SPTAN1: variants seen among roughly 807,000 people sequenced by gnomAD.
SPTAN1 encodes spectrin alpha, non-erythrocytic 1.
Under a neutral mutation model 331.3 loss-of-function variants are expected in SPTAN1, and 61 were observed. The observed-to-expected ratio is 0.18, with a 90% CI of 0.15 to 0.23. The LOEUF is 0.23. SPTAN1 is among the 10% of genes least tolerant of loss of function. The pLI is 1.00. For synonymous variants in SPTAN1, 1,153 were observed against 1,173.9 expected, an observed-to-expected ratio of 0.98 and a Z score of 0.36; for missense variants, 2,043 against 3,147.9, an observed-to-expected ratio of 0.65 and a Z score of 8.40.
chr9:128,604,430 C>G lies in SPTAN1; in HGVS notation c.3719+13C>G, dbSNP rs558756418. 1 of 1,610,110 alleles carries G rather than the reference C, an allele frequency of 6.2e-7. No individual in the cohort carries two copies. Among genetic ancestry groups the G allele is most frequent in the Non-Finnish European group, 8.5e-7 (1 of 1,178,202 alleles). On this transcript the variant is annotated intron_variant, in intron 29 of 56. Transcript: ENST00000372739. ...AGAGGTTCCACAGGTGAGGGGTCAGCCCTGGGCTGGGAGAGGGAGAAACAG... is the reference window on the plus strand; with the variant it reads ...AGAGGTTCCACAGGTGAGGGGTCAGGCCTGGGCTGGGAGAGGGAGAAACAG...
chr9:128,611,151 A>T (rs1451352764), intron 37 of SPTAN1, among the ~76,000 whole-genome samples: 3 of 152,196 alleles, frequency 2.0e-5, no homozygotes, highest in Non-Finnish European at 4.4e-5. Context: ...CTTCACTCCC[A>T]AATAGCTAGC....
intron 52 of SPTAN1, 107 bp downstream of exon 52, chr9:128,630,482 T>C: frequency 2.7e-6 from 3 of 1,115,452 alleles, no homozygotes; most frequent in Non-Finnish European, 4.1e-6. Context: ...GTGCTATTAT[T>C]GTACCCTTTT....
In SPTAN1 at chr9:128,584,798, C is replaced by T. The variant is rs999623213; in HGVS notation, c.2515C>T (p.Arg839Cys). 9 of 1,614,128 alleles carry T rather than the reference C, an allele frequency of 5.6e-6. No individual in the cohort carries two copies. Among genetic ancestry groups the T allele is most frequent in the Non-Finnish European group, 6.8e-6 (8 of 1,180,030 alleles). Residue 839 changes from arginine (R) to cysteine (C), a missense_variant, in exon 18 of 57, where the codon CGC becomes TGC. Physicochemically the swap from Arg to Cys is radical, Grantham distance 180. Around this residue, in one of 12 missense-constraint regions of SPTAN1, gnomAD observed 1,038 missense variants for 1,531.5 expected, o/e 0.68. Coordinates refer to ENST00000372739, the MANE Select transcript of SPTAN1 (RefSeq NM_001130438.3). The stretch of plus-strand genomic sequence containing the variant: ...AGCAGAAATTGCTGGACATGAACCA[C>T]GCATCAAAGCAGTTACACAGAAGGG... ...LQAEIAGHEP[R>C]IKAVTQKGNA... is the part of the protein sequence containing the mutation.
At chr9:128,571,009 A>T (rs1003510405) in intron 3 of SPTAN1, among the ~76,000 whole-genome samples, 2 of 152,084 alleles carry the variant, frequency 1.3e-5, no homozygotes, top group African/African-American at 4.8e-5. Context: ...CTGGCCGGGC[A>T]TGGGGCTCAC....
intron 27 of SPTAN1, among the ~76,000 whole-genome samples, chr9:128,602,273 G>C (rs1407210114): frequency 6.7e-6 from 1 of 149,588 alleles, no homozygotes. Flanking sequence ...CTGGAGTGCA[G>C]TAACGTGATC....
chr9:128,630,558 ATC>A (rs1564326192), intron 52 of SPTAN1, 183 bp downstream of exon 52: 7 of 607,416 alleles, frequency 1.2e-5, no homozygotes, highest in African/African-American at 5.6e-5. Context: ...TCTTCATGGA[ATC>A]TCTCTCTCGC....
chr9:128,576,720 G>A, intron 5 of SPTAN1, 103 bp from the exon 6 acceptor site: 1 of 1,438,044 alleles, frequency 7.0e-7, no homozygotes, highest in Non-Finnish European at 9.6e-7. Context: ...ATTCTCTTCA[G>A]AGTGGTGATT....
chr9:128,632,136 C>A lies in SPTAN1; in HGVS notation c.6772C>A (p.Gln2258Lys). The A allele has an allele frequency of 6.2e-7, 1 of 1,613,188 alleles. No homozygotes were observed. The highest frequency in any genetic ancestry group is 8.5e-7 in the Non-Finnish European group (1 of 1,180,006). Reference protein sequence around the residue: ...SQLEATKRKHQEIRAMRSQLK... With the variant: ...SQLEATKRKHKEIRAMRSQLK... ...CTCCCCACCCCTGCAGCGCAAGCAC[C>A]AGGAAATCCGAGCCATGAGAAGTCA... Residue 2258 changes from glutamine to lysine, a missense_variant, in exon 53 of 57, where the codon CAG becomes AAG. Gln to Lys is a moderately conservative substitution (Grantham distance 53, BLOSUM62 1). Around this residue, in one of 12 missense-constraint regions of SPTAN1, gnomAD observed 256 missense variants for 376.4 expected, o/e 0.68. Coordinates refer to ENST00000372739, the MANE Select transcript of SPTAN1 (RefSeq NM_001130438.3).
At chr9:128,585,673 G>C in intron 18 of SPTAN1, 75 bp from the exon 19 acceptor site, 1 of 1,282,786 alleles carries the variant, frequency 7.8e-7, no homozygotes, top group Non-Finnish European at 1.1e-6. Context: ...TGAACACACA[G>C]AGAAAACTTA....
chr9:128,583,149 C>G lies in SPTAN1; in HGVS notation c.1879C>G (p.Arg627Gly). Residue 627 changes from arginine (R) to glycine (G), a missense_variant, in exon 15 of 57, where the codon CGA (arginine) becomes GGA (glycine). Around this residue, in one of 12 missense-constraint regions of SPTAN1, gnomAD observed 1,038 missense variants for 1,531.5 expected, o/e 0.68. Coordinates refer to ENST00000372739, the MANE Select transcript of SPTAN1 (RefSeq NM_001130438.3). ...GGCTGAGCTCTCAGCAAACCAGAGCCGAATTGATGCCTTGGAGAAAGCTGG... is the reference window on the plus strand; with the variant it reads ...GGCTGAGCTCTCAGCAAACCAGAGCGGAATTGATGCCTTGGAGAAAGCTGG... Reference protein sequence around the residue: ...FEAELSANQSRIDALEKAGQK... With the variant: ...FEAELSANQSGIDALEKAGQK... 6.2e-7 allele frequency: 1 copy of G among 1,614,056 alleles called. No individual in the cohort carries two copies. Among genetic ancestry groups the G allele is most frequent in the East Asian group, 2.2e-5 (1 of 44,874 alleles).
At chr9:128,581,083 C>T in intron 11 of SPTAN1, 24 bp downstream of exon 11, 1 of 1,613,500 alleles carries the variant, frequency 6.2e-7, no homozygotes, top group Non-Finnish European at 8.5e-7. Context: ...AAAGCCTTGC[C>T]AGTGGTGGGA....
rs144848474 is a variant in SPTAN1, at chr9:128,606,766, G to A, written c.4047-838G>A. On this transcript the variant is annotated intron_variant, in intron 31 of 56. Transcript: ENST00000372739. ...CTCCCAAAGTGCTGGGATTACAGGC[G>A]TGAGCCACTGCGCCTGGTTGTCTTT... Among the ~76,000 whole-genome samples the A allele has an allele frequency of 3.0e-4, 46 of 152,004 alleles. No individual in the cohort carries two copies. In the East Asian group the frequency reaches 6.6e-3, roughly 22 times the overall value.
intron 46 of SPTAN1, chr9:128,624,744 T>C: frequency 1.8e-6 from 1 of 570,140 alleles, no homozygotes; most frequent in Non-Finnish European, 3.1e-6. Flanking sequence ...GATGGCATAA[T>C]GTGACGTCAT....
chr9:128,563,301 A>C (rs942670095), intron 1 of SPTAN1, among the ~76,000 whole-genome samples: 2 of 151,954 alleles, frequency 1.3e-5, no homozygotes, highest in Non-Finnish European at 2.9e-5. Flanking sequence ...CTGTACTCCT[A>C]GCTACTCAGG....
intron 41 of SPTAN1, among the ~76,000 whole-genome samples, chr9:128,616,825 A>C (rs1271698895): frequency 1.3e-5 from 2 of 151,876 alleles, no homozygotes; most frequent in East Asian, 3.9e-4. Context: ...CCAGCTACTC[A>C]GGAGGCTGAG....
intron 52 of SPTAN1, 23 bp from the exon 53 acceptor site, chr9:128,632,104 A>C (rs1859845993): frequency 5.0e-6 from 8 of 1,611,634 alleles, no homozygotes; most frequent in Non-Finnish European, 6.8e-6. Context: ...CCGTCTGAGC[A>C]TCTGTGCTCC....
At chr9:128,591,122 C>T (rs1287658942) in intron 21 of SPTAN1, among the ~76,000 whole-genome samples, 2 of 151,702 alleles carry the variant, frequency 1.3e-5, no homozygotes, top group Non-Finnish European at 2.9e-5. Flanking sequence ...AGTGCAGTGG[C>T]GCAATCTCAG....
At chr9:128,561,737 A>G (rs1042583413) in intron 1 of SPTAN1, among the ~76,000 whole-genome samples, 8 of 148,960 alleles carry the variant, frequency 5.4e-5, no homozygotes, top group Non-Finnish European at 7.4e-5. Flanking sequence ...CACTGTGTCT[A>G]TTGTGCCATA....
chr9:128,623,622 ATTTTTTT>A (rs777632874), intron 45 of SPTAN1, among the ~76,000 whole-genome samples: 17 of 117,108 alleles, frequency 1.5e-4, no homozygotes, highest in South Asian at 1.3e-3. Context: ...AACCTGGCTA[ATTTTTTT>A]TTTTTTTTTT....
Sources: allele counts gnomAD v4.1 joint callset (sites outside exome capture counted in the v4.1 genomes callset), GRCh38; gene constraint gnomAD v4.1.1; regional missense constraint gnomAD v4.1.1; transcripts MANE v1.5; gene names NCBI Gene and HGNC (gene_info 2026-07-23, HGNC 2026-07-21).